The following TGM7 variants were observed in gnomAD, a reference collection of about 807,000 sequenced individuals.
TGM7 encodes transglutaminase 7, also known as protein-glutamine gamma-glutamyltransferase Z.
Under a neutral mutation model 79.5 loss-of-function variants are expected in TGM7, and 74 were observed. That is an observed-to-expected ratio of 0.93 (90% CI 0.77 to 1.13). The LOEUF is 1.13. TGM7 is among the 50% of genes most tolerant of loss of function. The probability of loss-of-function intolerance (pLI) is 0.00; values close to 1 mark genes in which losing one functional copy is unlikely to be tolerated. For missense variants in TGM7, 912 were observed against 905.9 expected, an observed-to-expected ratio of 1.01 and a Z score of -0.09; for synonymous variants, 354 against 362.5, an observed-to-expected ratio of 0.98 and a Z score of 0.27.
intron 6 of TGM7, among the ~76,000 whole-genome samples, chr15:43,285,872 G>T: frequency 6.7e-6 from 1 of 149,406 alleles, no homozygotes. Flanking sequence ...ACACACCCCT[G>T]CCTGCCCAGA....
At chr15:43,301,629 CAAA>C (rs56249665) in intron 1 of TGM7, among the ~76,000 whole-genome samples, 2 of 127,168 alleles carry the variant, frequency 1.6e-5, no homozygotes, top group Non-Finnish European at 3.4e-5. Context: ...GACTCCATCT[CAAA>C]AAAAAAAAAA....
intron 1 of TGM7, among the ~76,000 whole-genome samples, chr15:43,297,635 A>AAGAAAGAAAGAAAGAAAGAAAGAAAGAG (rs5812242): frequency 1.5e-4 from 12 of 77,544 alleles, no homozygotes; most frequent in South Asian, 4.2e-4. Flanking sequence ...GAAAGAAAGA[A>AAGAAAGAAAGAAAGAAAGAAAGAAAGAG]AAAGAAAGAA....
At position 43,279,632 on chromosome 15, in the gene TGM7, A is replaced by C. The variant is rs1409424709; in HGVS notation, c.1671T>G (p.Phe557Leu). The C allele has an allele frequency of 6.3e-7, 1 of 1,581,584 alleles. No homozygotes were observed. Among genetic ancestry groups the C allele is most frequent in the Admixed American group, 1.8e-5 (1 of 56,362 alleles). Residue 557 changes from phenylalanine (F) to leucine (L), a missense_variant, in exon 10 of 13, where the codon TTT (phenylalanine) becomes TTG (leucine). Phe to Leu is a conservative substitution (Grantham distance 22). Transcript: ENST00000452443. ...WRHTVRMNLD[F>L]GKETQWPLLL... ...GGCCTGCCTCACACTCACCCTTCCC[A>C]AAGTCCAGGTTCATCCGCACTGTGT...
At chr15:43,287,141 G>T in intron 6 of TGM7, 139 bp downstream of exon 6, 1 of 901,510 alleles carries the variant, frequency 1.1e-6, no homozygotes, top group Non-Finnish European at 1.7e-6. Flanking sequence ...GAGACTGTAT[G>T]GTGTGCTAGC....
chr15:43,283,489 T>A (rs1267800314), intron 7 of TGM7, among the ~76,000 whole-genome samples: 1 of 150,068 alleles, frequency 6.7e-6, no homozygotes, highest in Non-Finnish European at 1.5e-5. Context: ...TCTTTTTTTT[T>A]GTAAATGTAA....
At chr15:43,296,102 G>A (rs2042990512) in intron 1 of TGM7, among the ~76,000 whole-genome samples, 1 of 152,188 alleles carries the variant, frequency 6.6e-6, no homozygotes. Context: ...GTGTAGCTAG[G>A]TCATGATATA....
In TGM7 at chr15:43,293,538, A is replaced by C. The variant is rs2042974980; in HGVS notation, c.104T>G (p.Val35Gly). Residue 35 changes from valine (V) to glycine (G), a missense_variant, in exon 2 of 13, where the codon GTG becomes GGG. Transcript: ENST00000452443. ...GAGGTAGAAGGGCTGGCCGCGGCGC[A>C]CAGTGAGCCGCTTGACGCCCATCTC... ...TQEMGVKRLTVRRGQPFYLRL... is the reference protein window; with the variant it reads ...TQEMGVKRLTGRRGQPFYLRL... 6.2e-7 allele frequency: 1 copy of C among 1,609,510 alleles called. No homozygotes were observed.
intron 4 of TGM7, among the ~76,000 whole-genome samples, chr15:43,289,770 G>A (rs1181127057): frequency 6.6e-6 from 1 of 152,090 alleles, no homozygotes; most frequent in Non-Finnish European, 1.5e-5. Context: ...CTGGTGTGAG[G>A]TGGTATCTCA....
chr15:43,291,463 C>T (rs1258497791), intron 4 of TGM7, among the ~76,000 whole-genome samples: 2 of 152,238 alleles, frequency 1.3e-5, no homozygotes, highest in African/African-American at 2.4e-5. Flanking sequence ...AATGAATGAA[C>T]ATGGCTATTT....
Position 43,282,016 on chromosome 15 carries a change from G to A in TGM7, c.1179C>T (p.Thr393=). Residue 393 remains threonine (T), a synonymous_variant, in exon 9 of 13, where the codon ACC becomes ACT. Transcript: ENST00000452443. The stretch of plus-strand genomic sequence containing the variant: ...CGTTCACCTCGGCATACACAAAAGG[G>A]GTGTCATAGGCCAGGTGGACATCCC... ...REGDVHLAYD[T]PFVYAEVNAD... The A allele has an allele frequency of 6.2e-7, 1 of 1,614,136 alleles. No individual in the cohort carries two copies. The highest frequency in any genetic ancestry group is 2.2e-5 in the East Asian group (1 of 44,878).
At position 43,283,611 on chromosome 15, in the gene TGM7, C is replaced by G. The variant is rs866968477; in HGVS notation, c.1005-991G>C. Among the ~76,000 whole-genome samples the G allele has an allele frequency of 2.0e-5, 3 of 152,098 alleles. 1 individual carries two copies. The highest frequency in any genetic ancestry group is 2.0e-4 in the Admixed American group (3 of 15,270). ...TCTATTTTTTAAAACCAGAGTGGCC[C>G]CCATTTTGGGCTTGTCTGATGTTTC... is the stretch of plus-strand genomic sequence containing the variant. On this transcript the variant is annotated intron_variant, in intron 7 of 12. Coordinates refer to ENST00000452443, the MANE Select transcript of TGM7 (RefSeq NM_052955.3).
rs373164834 is a variant in TGM7 at position 43,300,592 on chromosome 15, G to A, written c.10+1649C>T. Among the ~76,000 whole-genome samples the A allele has an allele frequency of 2.0e-5, 3 of 152,276 alleles. No homozygotes were observed. The East Asian group carries it at 5.8e-4, about 29-fold the overall frequency. ...TGAGGCGGGTGGATCACGAGGTCAA[G>A]AGATCAAGACCATCCTGGCCAACGT... On this transcript the variant is annotated intron_variant, in intron 1 of 12. Coordinates refer to ENST00000452443, the MANE Select transcript of TGM7 (RefSeq NM_052955.3).
intron 10 of TGM7, 58 bp from the exon 11 acceptor site, chr15:43,279,335 A>G: frequency 6.4e-7 from 1 of 1,563,524 alleles, no homozygotes; most frequent in Non-Finnish European, 8.7e-7. Context: ...GAGGGGGGAC[A>G]TGTAGATGTG....
chr15:43,293,536 G>T lies in TGM7; in HGVS notation c.106C>A (p.Arg36Ser). The change falls in exon 2 of 13, where the codon CGC becomes AGC. Residue 36 changes from arginine (R) to serine (S), a missense_variant. Transcript: ENST00000452443. ...CGGAGGTAGAAGGGCTGGCCGCGGC[G>T]CACAGTGAGCCGCTTGACGCCCATC... is the stretch of plus-strand genomic sequence containing the variant. ...QEMGVKRLTV[R>S]RGQPFYLRLS... The T allele has an allele frequency of 1.2e-6, 2 of 1,609,432 alleles. No homozygotes were observed. Among genetic ancestry groups the T allele is most frequent in the South Asian group, 2.2e-5 (2 of 90,982 alleles).
chr15:43,282,185 C>T, intron 8 of TGM7, 99 bp from the exon 9 acceptor site: 1 of 1,498,330 alleles, frequency 6.7e-7, no homozygotes, highest in Non-Finnish European at 9.0e-7. Flanking sequence ...TGACTCTCAC[C>T]CGTGGGATAT....
rs2042975832 is a variant in TGM7 at position 43,293,605 on chromosome 15, C to A, written c.37G>T (p.Asp13Tyr). The change falls in exon 2 of 13, where the codon GAC becomes TAC. Residue 13 changes from aspartate to tyrosine, a missense_variant. Transcript: ENST00000452443. ...QVATLRLESVDLQSSRNNKEH... is the reference protein window; with the variant it reads ...QVATLRLESVYLQSSRNNKEH... Reference sequence around the variant, plus strand: ...TTGTTGTTCCTGGAGCTCTGCAGGTCGACAGACTCAAGCCGCAAGGTTGCC... The same window carrying A: ...TTGTTGTTCCTGGAGCTCTGCAGGTAGACAGACTCAAGCCGCAAGGTTGCC... 1 of 1,607,414 alleles carries A rather than the reference C, an allele frequency of 6.2e-7. No individual in the cohort carries two copies. The highest frequency in any genetic ancestry group is 1.7e-5 in the Admixed American group (1 of 59,636).
chr15:43,283,730 TTC>T (rs1238486504), intron 7 of TGM7, among the ~76,000 whole-genome samples: 1 of 152,220 alleles, frequency 6.6e-6, no homozygotes, highest in African/African-American at 2.4e-5. Flanking sequence ...TCAGAGACAA[TTC>T]AGACCTCTAG....
At position 43,296,559 on chromosome 15, in the gene TGM7, T is replaced by C. The variant is rs193146149; in HGVS notation, c.11-2928A>G. ...TGAGCCTTCACAGAAAGCCTCTCCG[T>C]CCCATACACAACTCCCACCCTGAAT... is the stretch of plus-strand genomic sequence containing the variant. On this transcript the variant is annotated intron_variant, in intron 1 of 12. Coordinates refer to ENST00000452443, the MANE Select transcript of TGM7 (RefSeq NM_052955.3). Among the ~76,000 whole-genome samples the C allele has an allele frequency of 5.7e-4, 87 of 152,020 alleles. 2 individuals carry two copies. The East Asian group carries it at 9.7e-3, about 17-fold the overall frequency.
At chr15:43,301,610 A>G (rs1348906992) in intron 1 of TGM7, among the ~76,000 whole-genome samples, 1 of 147,782 alleles carries the variant, frequency 6.8e-6, no homozygotes, top group Non-Finnish European at 1.5e-5. Flanking sequence ...AGCCTGGGCT[A>G]CAAAGGGAGA....
Sources: gnomAD v4.1 joint callset for allele counts (sites outside exome capture counted in the v4.1 genomes callset) on GRCh38, gnomAD v4.1.1 for gene constraint, MANE v1.5 for transcripts, NCBI Gene and HGNC (gene_info 2026-07-23, HGNC 2026-07-21) for gene names.